The following PCDHGB4 variants were observed in gnomAD, a reference collection of about 807,000 sequenced individuals.
The protein encoded by PCDHGB4 is protocadherin gamma-B4.
PCDHGB4 carries 38 observed loss-of-function variants against 60.5 expected under a neutral mutation model. That is an observed-to-expected ratio of 0.63 (90% CI 0.48 to 0.82). The LOEUF is 0.82. Ranked by LOEUF, PCDHGB4 falls within the 40% of genes least tolerant of loss-of-function variation. The pLI is 0.00. For missense variants in PCDHGB4, 1,109 were observed against 1,209.6 expected, an observed-to-expected ratio of 0.92 and a Z score of 1.23; for synonymous variants, 456 against 509.7, an observed-to-expected ratio of 0.89 and a Z score of 1.42.
chr5:141,415,740 G>GTTTTTTTTTTTTTTTTTT (rs57426385), intron 1 of PCDHGB4: 15 of 625,028 alleles, frequency 2.4e-5, no homozygotes, highest in African/African-American at 7.5e-5. Flanking sequence ...GTTTATTAAG[G>GTTTTTTTTTTTTTTTTTT]TTTTTTTTTT....
At chr5:141,478,725 A>C (rs2099473537) in intron 1 of PCDHGB4, 1 of 1,542,096 alleles carries the variant, frequency 6.5e-7, no homozygotes. Flanking sequence ...GGCCTGCCAG[A>C]GTGTGGTTTG....
At chr5:141,435,730 T>C (rs913229799) in intron 1 of PCDHGB4, among the ~76,000 whole-genome samples, 1 of 152,226 alleles carries the variant, frequency 6.6e-6, no homozygotes, top group African/African-American at 2.4e-5. Context: ...TAAAGTGTAT[T>C]ACTCTTTGAA....
At chr5:141,420,412 T>G in intron 1 of PCDHGB4, 1 of 1,225,004 alleles carries the variant, frequency 8.2e-7, no homozygotes, top group African/African-American at 1.6e-5. Flanking sequence ...TGGTTATCAT[T>G]ATTAAAACAA....
chr5:141,421,239 G>C, intron 1 of PCDHGB4: 1 of 1,599,000 alleles, frequency 6.3e-7, no homozygotes, highest in South Asian at 1.1e-5. Flanking sequence ...TGGCGAATCG[G>C]CTACAGCGCG....
In PCDHGB4 at chr5:141,433,837, CA is replaced by C. The variant is rs56191208; in HGVS notation, c.2397+43574del. ...GGGCAACAAGAGTGAAACTCTATCT[CA>C]AAAAAAAAAAAAAAAAACTTTATCC... On this transcript the variant is annotated intron_variant, in intron 1 of 3. Coordinates refer to ENST00000519479, the MANE Select transcript of PCDHGB4 (RefSeq NM_003736.4). Among the ~76,000 whole-genome samples, 895 of 111,670 alleles carry C rather than the reference CA, an allele frequency of 8.0e-3. 6 individuals carry two copies. Among genetic ancestry groups the C allele is most frequent in the South Asian group, 0.02 (67 of 3,288 alleles). The allele number at this position is 111,670 out of a possible 152,430, so 73.3% of individuals were successfully genotyped here. A position where few individuals can be genotyped will look rare whatever the true frequency, so the allele number is the denominator to read the frequency against.
chr5:141,483,350 G>C (rs2099580423), intron 1 of PCDHGB4, among the ~76,000 whole-genome samples: 4 of 152,172 alleles, frequency 2.6e-5, no homozygotes, highest in Admixed American at 1.3e-4. Flanking sequence ...CTTTGCAATA[G>C]TTTGAAAGCT....
At position 141,489,924 on chromosome 5, in the gene PCDHGB4, C is replaced by G. The variant is rs755286650; in HGVS notation, c.2398-4883C>G. ...CAGCCCGCTCAGGGACCACCCTTAT[C>G]TCTGTCATCGTGCTGGACATCAATG... is the stretch of plus-strand genomic sequence containing the variant. On this transcript the variant is annotated intron_variant, in intron 1 of 3. Transcript: ENST00000519479. This position sits in a 1 kb window ranked among gnomAD's most constrained non-coding sequence, Gnocchi z 4.5. 22 of 1,614,226 alleles carry G rather than the reference C, an allele frequency of 1.4e-5. No homozygotes were observed. The highest frequency in any genetic ancestry group is 1.9e-5 in the Non-Finnish European group (22 of 1,180,030).
chr5:141,430,952 C>T, intron 1 of PCDHGB4: 2 of 1,610,382 alleles, frequency 1.2e-6, no homozygotes, highest in Non-Finnish European at 1.7e-6. Flanking sequence ...GCGCGGAGTC[C>T]GCATCATCCC....
chr5:141,430,723 A>C lies in PCDHGB4; in HGVS notation c.2397+40442A>C, dbSNP rs554822923. ...GAACTGCTCCTGACTTCAGTGGTTAAGGGCAGAATTGAAAATAATTCTGGA... is the reference window on the plus strand; with the variant it reads ...GAACTGCTCCTGACTTCAGTGGTTACGGGCAGAATTGAAAATAATTCTGGA... On this transcript the variant is annotated intron_variant, in intron 1 of 3. Transcript: ENST00000519479. 58 of 1,493,590 alleles carry C rather than the reference A, an allele frequency of 3.9e-5. No homozygotes were observed. The African/African-American group carries it at 7.7e-4, about 20-fold the overall frequency. The allele number at this position is 1,493,590 out of a possible 1,614,324, so 92.5% of individuals were successfully genotyped here. A position where few individuals can be genotyped will look rare whatever the true frequency, so the allele number is the denominator to read the frequency against.
rs2095194600 is a variant in PCDHGB4 at position 141,408,919 on chromosome 5, C to T, written c.2397+18638C>T. On this transcript the variant is annotated intron_variant, in intron 1 of 3. Transcript: ENST00000519479. The stretch of plus-strand genomic sequence containing the variant: ...CTGTCAAGGATACCAATGATAACCC[C>T]CCGGTTTTCAGCAGAGACGAATATA... 2.5e-6 allele frequency: 4 copies of T among 1,613,346 alleles called. No individual in the cohort carries two copies. The African/African-American group carries it at 4.0e-5, about 16-fold the overall frequency.
intron 1 of PCDHGB4, among the ~76,000 whole-genome samples, chr5:141,481,223 A>C (rs935737972): frequency 3.3e-5 from 5 of 152,242 alleles, no homozygotes; most frequent in Non-Finnish European, 7.3e-5. Context: ...AAGGTCTCCC[A>C]GCCTTAAAGT....
In PCDHGB4 at chr5:141,387,877, C is replaced by T; in HGVS notation, c.-8C>T. ...AGGCTGGTGAGCAAGCTGAGGAGAG[C>T]AAGAGGGATGGGGAGCGGCGCCGGG... On this transcript the variant is annotated 5_prime_UTR_variant, in exon 1 of 4. Coordinates refer to ENST00000519479, the MANE Select transcript of PCDHGB4 (RefSeq NM_003736.4). 1 of 1,585,868 alleles carries T rather than the reference C, an allele frequency of 6.3e-7. No homozygotes were observed. Among genetic ancestry groups the T allele is most frequent in the Non-Finnish European group, 8.6e-7 (1 of 1,167,944 alleles).
At position 141,414,753 on chromosome 5, in the gene PCDHGB4, T is replaced by C. The variant is rs10041534; in HGVS notation, c.2397+24472T>C. 7.9e-4 allele frequency: 1,273 copies of C among 1,614,202 alleles called. 15 individuals carry two copies. The African/African-American group carries it at 0.015, about 19-fold the overall frequency. ...TGTATGCACTCAGATCCTTCGACTA[T>C]GAGCAGTTTCATGAGCTACAGATGC... On this transcript the variant is annotated intron_variant, in intron 1 of 3. Transcript: ENST00000519479.
chr5:141,423,672 T>A, intron 1 of PCDHGB4: 2 of 1,549,982 alleles, frequency 1.3e-6, no homozygotes, highest in Non-Finnish European at 1.7e-6. Context: ...TGAGATTTAT[T>A]TCTCTGCCTC....
intron 1 of PCDHGB4, among the ~76,000 whole-genome samples, chr5:141,463,641 C>T (rs182957065): frequency 2.0e-5 from 3 of 151,734 alleles, no homozygotes; most frequent in African/African-American, 7.2e-5. Context: ...TTAGTAGAGA[C>T]GGGGTTTCAC....
intron 1 of PCDHGB4, among the ~76,000 whole-genome samples, chr5:141,450,829 A>ATTATTT (rs1554136902): frequency 7.4e-6 from 1 of 135,144 alleles, no homozygotes; most frequent in Admixed American, 7.6e-5. Context: ...TATTATTATT[A>ATTATTT]TTTTTTTTTT....
chr5:141,408,197 C>A (rs2095057098), intron 1 of PCDHGB4: 5 of 1,546,080 alleles, frequency 3.2e-6, no homozygotes, highest in Non-Finnish European at 4.4e-6. Context: ...AGAACCCGAG[C>A]GAACGATGGG....
chr5:141,499,029 A>AAGGAAGGAAGG lies in PCDHGB4; in HGVS notation c.2456+4165_2456+4166insGGAAGGAAGGA, dbSNP rs1562187768. ...GGAAGGAAGGAAGGAAGGAAGGAAG[A>AAGGAAGGAAGG]AAAGAAAGAAAAAGGGAGAAAAAAT... On this transcript the variant is annotated intron_variant, in intron 2 of 3. Transcript: ENST00000519479. 4.1e-4 allele frequency among the ~76,000 whole-genome samples: 57 copies of AAGGAAGGAAGG among 140,074 alleles called. 2 individuals are homozygous for AAGGAAGGAAGG. Among genetic ancestry groups the AAGGAAGGAAGG allele is most frequent in the African/African-American group, 1.4e-3 (52 of 36,074 alleles). 91.9% of individuals were successfully genotyped at this position (140,074 alleles called of 152,430 possible).
chr5:141,419,621 G>T, intron 1 of PCDHGB4: 2 of 1,612,306 alleles, frequency 1.2e-6, no homozygotes, highest in Non-Finnish European at 1.7e-6. Context: ...AGGCTACCTG[G>T]TGACCAAGGT....
Sources: allele counts gnomAD v4.1 joint callset (sites outside exome capture counted in the v4.1 genomes callset), GRCh38; gene constraint gnomAD v4.1.1; non-coding constraint Gnocchi (gnomAD v3.1); transcripts MANE v1.5; gene names NCBI Gene and HGNC (gene_info 2026-07-23, HGNC 2026-07-21).